NUFIP1: variants seen among roughly 807,000 people sequenced by gnomAD.
NUFIP1 encodes nuclear FMR1 interacting protein 1.
Under a neutral mutation model 56.2 loss-of-function variants are expected in NUFIP1, and 38 were observed. The ratio of observed to expected loss-of-function variants is 0.68; its 90% CI spans 0.52 to 0.89. The LOEUF is 0.89. NUFIP1 is among the 40% of genes least tolerant of loss of function. NUFIP1 has a pLI of 0.00. For missense variants in NUFIP1, 567 were observed against 605.8 expected (o/e 0.94, Z 0.67); for synonymous variants, 215 against 212.4 (o/e 1.01, Z -0.10).
chr13:44,947,874 A>T (rs543938933), intron 8 of NUFIP1, among the ~76,000 whole-genome samples: 4 of 152,346 alleles, frequency 2.6e-5, no homozygotes, highest in Non-Finnish European at 5.9e-5. Context: ...CTTAAAATTA[A>T]AATAGGCAAC....
At chr13:44,943,377 C>CACA in intron 9 of NUFIP1, 65 bp downstream of exon 9, 2 of 1,339,956 alleles carry the variant, frequency 1.5e-6, no homozygotes, top group African/African-American at 1.4e-5. Context: ...CACACACACA[C>CACA]CCCAGTGGCT....
intron 7 of NUFIP1, among the ~76,000 whole-genome samples, chr13:44,958,345 A>G (rs1304733665): frequency 1.3e-5 from 2 of 152,204 alleles, no homozygotes; most frequent in South Asian, 4.1e-4. Flanking sequence ...CAGTAACGGT[A>G]TATGTGTAAA....
chr13:44,987,261 C>T (rs1872430210), intron 1 of NUFIP1, among the ~76,000 whole-genome samples: 1 of 152,054 alleles, frequency 6.6e-6, no homozygotes, highest in South Asian at 2.1e-4. Context: ...ACCTGTAGTA[C>T]CAGCTGCTCG....
intron 1 of NUFIP1, among the ~76,000 whole-genome samples, chr13:44,987,603 G>A (rs1222433835): frequency 6.6e-6 from 1 of 152,070 alleles, no homozygotes. Flanking sequence ...ATAATTGTGT[G>A]ACTTGCTTTA....
At chr13:44,955,823 TA>T (rs59016818) in intron 7 of NUFIP1, among the ~76,000 whole-genome samples, 98,317 of 147,810 alleles carry the variant, frequency 0.67, 35,385 homozygotes, top group Non-Finnish European at 0.81. Flanking sequence ...CTGATGAGCT[TA>T]AAAAAAAAAA....
intron 6 of NUFIP1, among the ~76,000 whole-genome samples, chr13:44,964,391 C>T (rs982595529): frequency 6.6e-6 from 1 of 152,168 alleles, no homozygotes; most frequent in African/African-American, 2.4e-5. Flanking sequence ...GTCTCTATGA[C>T]ACAGGGCATG....
intron 8 of NUFIP1, 26 bp downstream of exon 8, chr13:44,949,696 C>A: frequency 6.9e-7 from 1 of 1,451,682 alleles, no homozygotes; most frequent in Non-Finnish European, 9.4e-7. Flanking sequence ...AAACAAAACC[C>A]TGTAACAACA....
chr13:44,948,928 A>C (rs1347317449), intron 8 of NUFIP1, among the ~76,000 whole-genome samples: 2 of 152,196 alleles, frequency 1.3e-5, no homozygotes, highest in Non-Finnish European at 2.9e-5. Flanking sequence ...TGCAGACACA[A>C]GTATAAGGTT....
Position 44,959,436 on chromosome 13 carries a change from T to G in NUFIP1, c.966A>C (p.Glu322Asp). ...SGSHLCDLKL[E>D]GPPEANADPL... ...GATCTGCATTTGCCTCCGGTGGACCTTCTAGCTTCAAATCACACAAGTGAC... is the reference window on the plus strand; with the variant it reads ...GATCTGCATTTGCCTCCGGTGGACCGTCTAGCTTCAAATCACACAAGTGAC... Residue 322 changes from glutamate to aspartate, a missense_variant, in exon 7 of 10, where the codon GAA (glutamate) becomes GAC (aspartate). Physicochemically the swap from Glu to Asp is conservative, Grantham distance 45. Transcript: ENST00000379161. 1 of 1,614,098 alleles carries G rather than the reference T, an allele frequency of 6.2e-7. No homozygotes were observed. The highest frequency in any genetic ancestry group is 8.5e-7 in the Non-Finnish European group (1 of 1,180,026).
Position 44,949,758 on chromosome 13 carries a change from A to G in NUFIP1, c.1102T>C (p.Tyr368His), listed in dbSNP as rs908830505. ...TPALCSLMSSYGSLSGSESEP... is the reference protein window; with the variant it reads ...TPALCSLMSSHGSLSGSESEP... ...CTCTCTGACCCTGAAAGACTGCCAT[A>G]GCTACTCATTAGTGAGCATAGGGCT... Residue 368 changes from tyrosine to histidine, a missense_variant, in exon 8 of 10, where the codon TAT becomes CAT. By Grantham distance (83) the Tyr-to-His change is moderately conservative. Transcript: ENST00000379161. 6.2e-7 allele frequency: 1 copy of G among 1,613,382 alleles called. No individual in the cohort carries two copies. Among genetic ancestry groups the G allele is most frequent in the Non-Finnish European group, 8.5e-7 (1 of 1,179,706 alleles).
At chr13:44,963,788 T>C (rs1388489680) in intron 6 of NUFIP1, among the ~76,000 whole-genome samples, 1 of 152,228 alleles carries the variant, frequency 6.6e-6, no homozygotes, top group Non-Finnish European at 1.5e-5. Context: ...TTTGTCTCTC[T>C]GCTCAAGAGT....
chr13:44,965,989 A>G lies in NUFIP1; in HGVS notation c.735-53T>C, dbSNP rs540728688. On this transcript the variant is annotated intron_variant, in intron 5 of 9. Transcript: ENST00000379161. Reference sequence around the variant, plus strand: ...TAGGGCTTTTAGAGTACAATTTTAAATAAGCAATCAAGCAATTGCTGAATT... The same window carrying G: ...TAGGGCTTTTAGAGTACAATTTTAAGTAAGCAATCAAGCAATTGCTGAATT... 1.7e-5 allele frequency: 18 copies of G among 1,088,510 alleles called. No individual in the cohort carries two copies. In the South Asian group the frequency reaches 2.7e-4, roughly 16 times the overall value. 67.4% of individuals were successfully genotyped at this position (1,088,510 alleles called of 1,614,324 possible).
At chr13:44,984,699 G>A (rs1206845163) in intron 1 of NUFIP1, among the ~76,000 whole-genome samples, 1 of 152,034 alleles carries the variant, frequency 6.6e-6, no homozygotes, top group Non-Finnish European at 1.5e-5. Context: ...TCAGTTTAAT[G>A]CAGAATTGAA....
At chr13:44,979,377 A>G (rs773499628) in intron 4 of NUFIP1, 111 bp from the exon 5 acceptor site, 6 of 770,560 alleles carry the variant, frequency 7.8e-6, no homozygotes, top group African/African-American at 1.7e-5. Context: ...TTTAAAACCA[A>G]GTAAGCAGGT....
chr13:44,987,959 C>G (rs1872470605), intron 1 of NUFIP1, among the ~76,000 whole-genome samples: 1 of 152,250 alleles, frequency 6.6e-6, no homozygotes, highest in African/African-American at 2.4e-5. Context: ...TGTAGCCACA[C>G]TGGTTCCCAT....
At chr13:44,963,260 C>T (rs952817043) in intron 6 of NUFIP1, among the ~76,000 whole-genome samples, 3 of 152,112 alleles carry the variant, frequency 2.0e-5, no homozygotes, top group African/African-American at 7.2e-5. Context: ...TAGAATCTTG[C>T]ACATCTTTTG....
At chr13:44,980,676 G>A (rs1023115130) in intron 3 of NUFIP1, 46 bp downstream of exon 3, 4 of 1,219,526 alleles carry the variant, frequency 3.3e-6, no homozygotes, top group Non-Finnish European at 4.7e-6. Context: ...ACAGATAGAA[G>A]AAGCACAATT....
rs774561312 is a variant in NUFIP1 at position 44,989,201 on chromosome 13, G to A, written c.236C>T (p.Pro79Leu). 9 of 1,611,572 alleles carry A rather than the reference G, an allele frequency of 5.6e-6. No individual in the cohort carries two copies. The highest frequency in any genetic ancestry group is 8.5e-7 in the Non-Finnish European group (1 of 1,178,934). ...GGGAAGAATCTGGGCGTCGAAGGGG[G>A]GCGGAGCCCCGGGGAGAGACTGGGC... is the stretch of plus-strand genomic sequence containing the variant. The part of the protein sequence containing the change: ...MEAQSLPGAP[P>L]PFDAQILPGA... Residue 79 changes from proline to leucine, a missense_variant, in exon 1 of 10, where the codon CCC (proline) becomes CTC (leucine). Physicochemically the swap from Pro to Leu is moderately conservative, Grantham distance 98 (BLOSUM62 -3). Transcript: ENST00000379161.
chr13:44,945,381 A>C (rs937406114), intron 8 of NUFIP1, among the ~76,000 whole-genome samples: 1 of 152,036 alleles, frequency 6.6e-6, no homozygotes, highest in African/African-American at 2.4e-5. Flanking sequence ...TTTCCCAAAA[A>C]CAAAATGCCA....
Sources: gnomAD v4.1 joint callset for allele counts (sites outside exome capture counted in the v4.1 genomes callset) on GRCh38, gnomAD v4.1.1 for gene constraint, MANE v1.5 for transcripts, NCBI Gene and HGNC (gene_info 2026-07-23, HGNC 2026-07-21) for gene names.